SLC25A33: variants seen among roughly 807,000 people sequenced by gnomAD.
SLC25A33 encodes the protein solute carrier family 25 member 33, also known as bone marrow stromal cell mitochondrial carrier protein.
A neutral mutation model predicts 35.5 loss-of-function variants in SLC25A33; 15 were observed. That is an observed-to-expected ratio of 0.42 (90% CI 0.28 to 0.65). SLC25A33 has a LOEUF of 0.65. Among genes scored for constraint, SLC25A33 ranks in the 30% least tolerant of loss-of-function variants. SLC25A33 has a pLI of 0.20. For synonymous variants in SLC25A33, 136 were observed against 148.7 expected, an observed-to-expected ratio of 0.91 and a Z score of 0.62; for missense variants, 257 against 398.5, an observed-to-expected ratio of 0.64 and a Z score of 3.02.
chr1:9,567,274 T>C lies in SLC25A33; in HGVS notation c.237-10T>C, dbSNP rs201608198. 1.8e-4 allele frequency: 289 copies of C among 1,613,334 alleles called. No individual in the cohort carries two copies. Among genetic ancestry groups the C allele is most frequent in the Non-Finnish European group, 2.2e-4 (264 of 1,179,652 alleles). On this transcript the variant is annotated splice_polypyrimidine_tract_variant and intron_variant, in intron 2 of 6. Coordinates refer to ENST00000302692, the MANE Select transcript of SLC25A33 (RefSeq NM_032315.3). Reference sequence around the variant, plus strand: ...GGGGTTTTAAAGGTTTGTCTTTTCTTATTATTCAGGTCGATCTTGGAGAAA... The same window carrying C: ...GGGGTTTTAAAGGTTTGTCTTTTCTCATTATTCAGGTCGATCTTGGAGAAA...
chr1:9,565,218 C>G (rs1380839106), intron 2 of SLC25A33, among the ~76,000 whole-genome samples: 1 of 152,060 alleles, frequency 6.6e-6, no homozygotes, highest in Non-Finnish European at 1.5e-5. Flanking sequence ...TAATGTCACT[C>G]AACTGTACAC....
intron 2 of SLC25A33, among the ~76,000 whole-genome samples, chr1:9,557,029 G>A (rs748537141): frequency 5.3e-5 from 8 of 152,166 alleles, no homozygotes; most frequent in Non-Finnish European, 5.9e-5. Flanking sequence ...CGCCTCCCAG[G>A]TTCAAGCGAT....
chr1:9,570,388 T>C, intron 4 of SLC25A33, 30 bp downstream of exon 4: 1 of 1,535,326 alleles, frequency 6.5e-7, no homozygotes, highest in Non-Finnish European at 9.0e-7. Flanking sequence ...GAAGAGAGGG[T>C]CTCTCTCTCA....
intron 2 of SLC25A33, 112 bp downstream of exon 2, chr1:9,553,917 C>T: frequency 8.3e-7 from 1 of 1,204,142 alleles, no homozygotes; most frequent in Middle Eastern, 2.0e-4. Context: ...TAGCCTTGGT[C>T]CTAACTTAAG....
At chr1:9,546,531 A>G (rs1014108981) in intron 1 of SLC25A33, among the ~76,000 whole-genome samples, 3 of 152,148 alleles carry the variant, frequency 2.0e-5, no homozygotes, top group Admixed American at 6.5e-5. Context: ...TGACTAGAAC[A>G]GTATTACCTT....
In SLC25A33 at chr1:9,539,717, A is replaced by G; in HGVS notation, c.26A>G (p.Glu9Gly). MATGGQQK[E>G]NTLLHLFAGG... The stretch of plus-strand genomic sequence containing the variant: ...ATGGCGACGGGCGGCCAGCAGAAGG[A>G]GAACACGCTGCTTCACCTCTTCGCC... Residue 9 changes from glutamate to glycine, a missense_variant, in exon 1 of 7, where the codon GAG becomes GGG. By Grantham distance (98) the Glu-to-Gly change is moderately conservative (BLOSUM62 -2). Coordinates refer to ENST00000302692, the MANE Select transcript of SLC25A33 (RefSeq NM_032315.3). 44 of 1,407,386 alleles carry G rather than the reference A, an allele frequency of 3.1e-5. No individual in the cohort carries two copies. Among genetic ancestry groups the G allele is most frequent in the Non-Finnish European group, 4.0e-5 (43 of 1,079,662 alleles). 87.2% of individuals were successfully genotyped at this position (1,407,386 alleles called of 1,614,324 possible). A position where few individuals can be genotyped will look rare whatever the true frequency, so the allele number is the denominator to read the frequency against.
rs950954318 is a variant in SLC25A33 at position 9,585,070 on chromosome 1, T to C, written c.*2569T>C. The C allele has an allele frequency of 6.6e-6, 1 of 152,250 alleles. No individual in the cohort carries two copies. The highest frequency in any genetic ancestry group is 1.5e-5 in the Non-Finnish European group (1 of 68,040). The allele number at this position is 152,250 out of a possible 1,614,324, so 9.4% of individuals were successfully genotyped here. ...ATGATGGCACTTAGCAACATCCTCCTATATCCATATTAAAACCTGTTTTCC... is the reference window on the plus strand; with the variant it reads ...ATGATGGCACTTAGCAACATCCTCCCATATCCATATTAAAACCTGTTTTCC... On this transcript the variant is annotated 3_prime_UTR_variant, in exon 7 of 7. Transcript: ENST00000302692.
At chr1:9,548,392 G>A (rs1643211454) in intron 1 of SLC25A33, among the ~76,000 whole-genome samples, 1 of 152,126 alleles carries the variant, frequency 6.6e-6, no homozygotes, top group East Asian at 1.9e-4. Flanking sequence ...GACCAGCCTG[G>A]CCAACATGGT....
intron 5 of SLC25A33, among the ~76,000 whole-genome samples, chr1:9,573,827 A>G (rs1643622898): frequency 6.6e-6 from 1 of 152,112 alleles, no homozygotes; most frequent in Non-Finnish European, 1.5e-5. Context: ...TTAGTCTCCA[A>G]AGGCCCTCAG....
chr1:9,559,657 T>C (rs930411946), intron 2 of SLC25A33, among the ~76,000 whole-genome samples: 3 of 152,100 alleles, frequency 2.0e-5, no homozygotes, highest in Non-Finnish European at 4.4e-5. Flanking sequence ...AGTCTGTAAC[T>C]CAGGACTTAC....
chr1:9,563,043 C>T (rs1456948461), intron 2 of SLC25A33, among the ~76,000 whole-genome samples: 3 of 151,300 alleles, frequency 2.0e-5, no homozygotes, highest in African/African-American at 2.4e-5. Context: ...TTCAGCCTCC[C>T]GAGTAGCTGG....
At chr1:9,570,750 C>T (rs2100403708) in intron 4 of SLC25A33, among the ~76,000 whole-genome samples, 1 of 147,906 alleles carries the variant, frequency 6.8e-6, no homozygotes, top group East Asian at 2.0e-4. Context: ...CTCTGTCACC[C>T]AGGCTGGACT....
chr1:9,576,688 A>G, intron 5 of SLC25A33: 1 of 654,798 alleles, frequency 1.5e-6, no homozygotes, highest in Non-Finnish European at 2.9e-6. Flanking sequence ...TTACAAGATG[A>G]GGTCTGCGTA....
chr1:9,584,545 A>C lies in SLC25A33; in HGVS notation c.*2044A>C, dbSNP rs1199947160. 1.3e-5 allele frequency: 2 copies of C among 152,240 alleles called. No individual in the cohort carries two copies. The highest frequency in any genetic ancestry group is 1.5e-5 in the Non-Finnish European group (1 of 68,092). The allele number at this position is 152,240 out of a possible 1,614,324, so 9.4% of individuals were successfully genotyped here. A position where few individuals can be genotyped will look rare whatever the true frequency, so the allele number is the denominator to read the frequency against. On this transcript the variant is annotated 3_prime_UTR_variant, in exon 7 of 7. Coordinates refer to ENST00000302692, the MANE Select transcript of SLC25A33 (RefSeq NM_032315.3). ...CTCCTGAGTAGCTGGGACTACAGGC[A>C]TGCGCCACCACACCTGGCTAATTTT...
rs906242512 is a variant in SLC25A33 at position 9,578,108 on chromosome 1, C to A, written c.483-1846C>A. ...AATTTTTTGTATTTTTTAGTAGAGA[C>A]GGGGTTTCACCGTGTTAGCCAGGAT... is the stretch of plus-strand genomic sequence containing the variant. On this transcript the variant is annotated intron_variant, in intron 5 of 6. Coordinates refer to ENST00000302692, the MANE Select transcript of SLC25A33 (RefSeq NM_032315.3). The surrounding 1 kb of genome is among the most constrained non-coding windows in gnomAD (Gnocchi z 4.3). Among the ~76,000 whole-genome samples, 4 of 152,030 alleles carry A rather than the reference C, an allele frequency of 2.6e-5. No homozygotes were observed. The highest frequency in any genetic ancestry group is 5.9e-5 in the Non-Finnish European group (4 of 68,020).
chr1:9,542,334 T>C lies in SLC25A33; in HGVS notation c.56+2587T>C, dbSNP rs146634783. ...CTCTCCTGCTTGATTAAGATGTAGG[T>C]AGTTCATTAGGGTGGCGCCTGAAGC... is the stretch of plus-strand genomic sequence containing the variant. On this transcript the variant is annotated intron_variant, in intron 1 of 6. Transcript: ENST00000302692. Among the ~76,000 whole-genome samples, 347 of 152,188 alleles carry C rather than the reference T, an allele frequency of 2.3e-3. 1 individual carries two copies. The highest frequency in any genetic ancestry group is 4.4e-3 in the Admixed American group (67 of 15,258).
At chr1:9,560,634 G>A (rs1342588221) in intron 2 of SLC25A33, among the ~76,000 whole-genome samples, 1 of 151,998 alleles carries the variant, frequency 6.6e-6, no homozygotes, top group African/African-American at 2.4e-5. Flanking sequence ...ACTTGTCAGA[G>A]AACAGAATTT....
At chr1:9,562,850 G>A (rs1464367457) in intron 2 of SLC25A33, among the ~76,000 whole-genome samples, 10 of 111,692 alleles carry the variant, frequency 9.0e-5, no homozygotes, top group Admixed American at 9.3e-5. Flanking sequence ...CAAAAACTCC[G>A]TTTCAAAAAA....
chr1:9,564,739 A>AAAAATAT (rs60174872), intron 2 of SLC25A33, among the ~76,000 whole-genome samples: 74 of 96,526 alleles, frequency 7.7e-4, no homozygotes, highest in African/African-American at 3.3e-3. Context: ...AAAAAAAAAA[A>AAAAATAT]ATATATATAT....
Sources: gnomAD v4.1 joint callset for allele counts (sites outside exome capture counted in the v4.1 genomes callset) on GRCh38, gnomAD v4.1.1 for gene constraint, Gnocchi (gnomAD v3.1) non-coding constraint, MANE v1.5 for transcripts, NCBI Gene and HGNC (gene_info 2026-07-23, HGNC 2026-07-21) for gene names.